Variants in PTPRQ observed in about 807,000 individuals in gnomAD.
PTPRQ encodes phosphatidylinositol phosphatase PTPRQ.
Under a neutral mutation model 246.0 loss-of-function variants are expected in PTPRQ, and 199 were observed. That is an observed-to-expected ratio of 0.81 (90% confidence interval 0.72 to 0.91). PTPRQ has a LOEUF of 0.91. PTPRQ is among the 40% of genes least tolerant of loss of function. The pLI, the probability that PTPRQ is intolerant of heterozygous loss-of-function variation, is 0.00. For missense variants in PTPRQ, 2,624 were observed against 2,528.4 expected (o/e 1.04, Z -0.81); for synonymous variants, 869 against 853.2 (o/e 1.02, Z -0.32).
chr12:80,510,660 A>T (rs1267439563), intron 17 of PTPRQ, among the ~76,000 whole-genome samples: 1 of 152,184 alleles, frequency 6.6e-6, no homozygotes, highest in African/African-American at 2.4e-5. Context: ...ACAAAAAATT[A>T]TGTGTTACGC....
At chr12:80,507,294 G>T (rs1306221934) in intron 16 of PTPRQ, among the ~76,000 whole-genome samples, 2 of 151,940 alleles carry the variant, frequency 1.3e-5, no homozygotes, top group Non-Finnish European at 2.9e-5. Flanking sequence ...ACTTCTGAAA[G>T]ATATATTTGG....
chr12:80,522,554 T>G (rs969649994), intron 17 of PTPRQ, among the ~76,000 whole-genome samples: 2 of 152,168 alleles, frequency 1.3e-5, no homozygotes, highest in African/African-American at 4.8e-5. Flanking sequence ...CCTAATTTAT[T>G]GAGAGTTTTT....
chr12:80,461,214 A>G (rs768294988), intron 6 of PTPRQ, among the ~76,000 whole-genome samples: 1 of 152,216 alleles, frequency 6.6e-6, no homozygotes, highest in Non-Finnish European at 1.5e-5. Flanking sequence ...TAAATGATTT[A>G]TAATCATTTA....
chr12:80,515,210 C>T (rs1269816460), intron 17 of PTPRQ, among the ~76,000 whole-genome samples: 1 of 151,954 alleles, frequency 6.6e-6, no homozygotes, highest in Non-Finnish European at 1.5e-5. Context: ...ATGTAATACA[C>T]ATGGGTTTTT....
chr12:80,624,889 G>T (rs1055321358), intron 33 of PTPRQ, among the ~76,000 whole-genome samples: 9 of 152,002 alleles, frequency 5.9e-5, no homozygotes, highest in Admixed American at 6.6e-5. Flanking sequence ...AACAATAGCC[G>T]ATGAACCAAA....
chr12:80,490,808 C>T (rs1894424321), intron 9 of PTPRQ, among the ~76,000 whole-genome samples: 1 of 151,968 alleles, frequency 6.6e-6, no homozygotes, highest in Admixed American at 6.6e-5. Context: ...TGCTGCTTCT[C>T]TCTGCCCCTT....
chr12:80,589,210 C>T (rs866222351), intron 26 of PTPRQ, among the ~76,000 whole-genome samples: 1 of 152,094 alleles, frequency 6.6e-6, no homozygotes, highest in South Asian at 2.1e-4. Flanking sequence ...TTATCCTGAA[C>T]TCTGTTTACA....
intron 19 of PTPRQ, among the ~76,000 whole-genome samples, chr12:80,535,286 T>C (rs1276149083): frequency 2.6e-5 from 4 of 152,118 alleles, no homozygotes; most frequent in African/African-American, 4.8e-5. Flanking sequence ...TTAAAAATAG[T>C]GAATCTGCCA....
At chr12:80,677,735 A>G (rs1901192009) in intron 43 of PTPRQ, among the ~76,000 whole-genome samples, 1 of 152,222 alleles carries the variant, frequency 6.6e-6, no homozygotes, top group Non-Finnish European at 1.5e-5. Context: ...TTTGAGGTAC[A>G]GTAGCAATAG....
intron 16 of PTPRQ, among the ~76,000 whole-genome samples, chr12:80,507,125 T>C (rs10746170): frequency 0.32 from 48,650 of 151,798 alleles, 9,048 homozygotes; most frequent in African/African-American, 0.51. Context: ...TGTACAGGCT[T>C]CTGCATAATT....
intron 35 of PTPRQ, among the ~76,000 whole-genome samples, chr12:80,642,932 A>AAAAAAAC (rs750836618): frequency 0.12 from 16,297 of 131,442 alleles, 1,716 homozygotes; most frequent in African/African-American, 0.26. Context: ...AAAAAAAAAA[A>AAAAAAAC]AAAAAAAAAA....
chr12:80,611,128 A>G (rs942334718), intron 28 of PTPRQ, among the ~76,000 whole-genome samples: 1 of 150,434 alleles, frequency 6.6e-6, no homozygotes, highest in African/African-American at 2.4e-5. Context: ...ATGTCTTATT[A>G]TATAACTCTT....
chr12:80,512,154 A>G (rs1447315444), intron 17 of PTPRQ, among the ~76,000 whole-genome samples: 1 of 152,246 alleles, frequency 6.6e-6, no homozygotes, highest in African/African-American at 2.4e-5. Flanking sequence ...AAGTGTGGTT[A>G]CTACTAGAAT....
At position 80,484,408 on chromosome 12, in the gene PTPRQ, T is replaced by TTTTCTTTCTTTCTTTC. The variant is rs562555844; in HGVS notation, c.1187-18_1187-3dup. On this transcript the variant is annotated intron_variant, in intron 8 of 44. Coordinates refer to ENST00000644991, the MANE Select transcript of PTPRQ (RefSeq NM_001145026.2). Reference sequence around the variant, plus strand: ...AAATATTTTTAATTTCCCCCTTTTCTTTTCTTTCTTTCTTTCTTTCTTAGT... The same window carrying TTTTCTTTCTTTCTTTC: ...AAATATTTTTAATTTCCCCCTTTTCTTTTCTTTCTTTCTTTCTTTCTTTCTTTCTTTCTTTCTTAGT... The TTTTCTTTCTTTCTTTC allele has an allele frequency of 2.7e-6, 4 of 1,487,852 alleles. No individual in the cohort carries two copies. In the African/African-American group the frequency reaches 5.8e-5, roughly 22 times the overall value. The allele number at this position is 1,487,852 out of a possible 1,614,324, so 92.2% of individuals were successfully genotyped here.
At chr12:80,643,727 G>A (rs1485916788) in intron 35 of PTPRQ, among the ~76,000 whole-genome samples, 2 of 152,144 alleles carry the variant, frequency 1.3e-5, no homozygotes, top group East Asian at 1.9e-4. Flanking sequence ...TTGGATAAGC[G>A]ATAGAATATT....
chr12:80,633,628 T>G (rs919462359), intron 34 of PTPRQ, among the ~76,000 whole-genome samples: 1 of 152,264 alleles, frequency 6.6e-6, no homozygotes, highest in Non-Finnish European at 1.5e-5. Context: ...TGGTTCATCT[T>G]GACTCTCTTA....
chr12:80,513,151 C>T (rs1260873371), intron 17 of PTPRQ, among the ~76,000 whole-genome samples: 1 of 152,138 alleles, frequency 6.6e-6, no homozygotes, highest in Non-Finnish European at 1.5e-5. Flanking sequence ...GGACAGAGGG[C>T]TTTCTGTATC....
At chr12:80,604,935 T>C (rs1898260021) in intron 26 of PTPRQ, 124 bp from the exon 27 acceptor site, 1 of 1,043,386 alleles carries the variant, frequency 9.6e-7, no homozygotes, top group Non-Finnish European at 1.3e-6. Flanking sequence ...CTGTGAAATA[T>C]AAATTAATGT....
At chr12:80,629,628 A>T (rs933002709) in intron 33 of PTPRQ, among the ~76,000 whole-genome samples, 24 of 152,112 alleles carry the variant, frequency 1.6e-4, no homozygotes, top group African/African-American at 5.8e-4. Context: ...GGACCAGATC[A>T]CACATGCCAC....
Sources: gnomAD v4.1 joint callset for allele counts (sites outside exome capture counted in the v4.1 genomes callset) on GRCh38, gnomAD v4.1.1 for gene constraint, MANE v1.5 for transcripts, NCBI Gene and HGNC (gene_info 2026-07-23, HGNC 2026-07-21) for gene names.